The following KIAA1217 variants were observed in gnomAD, a reference collection of about 807,000 sequenced individuals.
KIAA1217 encodes the protein sickle tail protein homolog.
KIAA1217 carries 88 observed loss-of-function variants against 163.9 expected under a neutral mutation model. The observed-to-expected ratio is 0.54, with a 90% CI of 0.45 to 0.64. The LOEUF (loss-of-function observed/expected upper bound fraction) is 0.64. KIAA1217 is among the 30% of genes least tolerant of loss of function. The probability of loss-of-function intolerance (pLI) is 0.00; values close to 1 mark genes in which losing one functional copy is unlikely to be tolerated. For synonymous variants in KIAA1217, 903 were observed against 923.1 expected, an observed-to-expected ratio of 0.98 and a Z score of 0.39; for missense variants, 2,372 against 2,475.0, an observed-to-expected ratio of 0.96 and a Z score of 0.88.
At chr10:23,998,230 T>C (rs1278894046) in intron 1 of KIAA1217, among the ~76,000 whole-genome samples, 1 of 152,212 alleles carries the variant, frequency 6.6e-6, no homozygotes, top group Non-Finnish European at 1.5e-5. Flanking sequence ...CTTTGTGTTC[T>C]CCTTCCTGAC....
chr10:24,457,360 G>GTGTT (rs774686589), intron 5 of KIAA1217, among the ~76,000 whole-genome samples: 1 of 151,556 alleles, frequency 6.6e-6, no homozygotes, highest in Non-Finnish European at 1.5e-5. Context: ...GTGTGTGTGT[G>GTGTT]TGTATGTGTG....
intron 2 of KIAA1217, among the ~76,000 whole-genome samples, chr10:24,335,779 TA>T (rs1401875032): frequency 6.6e-6 from 1 of 152,018 alleles, no homozygotes; most frequent in Non-Finnish European, 1.5e-5. Context: ...CCAGCCACTG[TA>T]AAAAAATTTT....
chr10:24,338,712 A>G (rs2046700355), intron 2 of KIAA1217, among the ~76,000 whole-genome samples: 2 of 152,346 alleles, frequency 1.3e-5, no homozygotes, highest in South Asian at 2.1e-4. Flanking sequence ...GAAGCAAAAC[A>G]TGTTCCTTTT....
intron 2 of KIAA1217, among the ~76,000 whole-genome samples, chr10:24,242,584 A>G (rs1437967954): frequency 6.6e-6 from 1 of 152,104 alleles, no homozygotes; most frequent in Non-Finnish European, 1.5e-5. Context: ...ATAATGATCT[A>G]TATTCCCTTG....
intron 2 of KIAA1217, among the ~76,000 whole-genome samples, chr10:24,049,776 ATG>A (rs1356746626): frequency 6.6e-6 from 1 of 152,176 alleles, no homozygotes; most frequent in Non-Finnish European, 1.5e-5. Flanking sequence ...ATACGTGTGC[ATG>A]TGTCTTTATA....
At chr10:24,489,442 A>G (rs1158671880) in intron 6 of KIAA1217, among the ~76,000 whole-genome samples, 5 of 152,098 alleles carry the variant, frequency 3.3e-5, no homozygotes, top group African/African-American at 4.8e-5. Flanking sequence ...TTCATATGCT[A>G]CTGACTTGTT....
chr10:24,135,944 G>A (rs1463833128), intron 2 of KIAA1217, among the ~76,000 whole-genome samples: 1 of 152,166 alleles, frequency 6.6e-6, no homozygotes, highest in Non-Finnish European at 1.5e-5. Flanking sequence ...GCTGAAAACA[G>A]GAGACAGAAC....
chr10:23,824,843 C>A (rs377461981), intron 1 of KIAA1217, among the ~76,000 whole-genome samples: 3 of 151,566 alleles, frequency 2.0e-5, no homozygotes, highest in South Asian at 4.2e-4. Flanking sequence ...TAAGACAGCT[C>A]CAGATTACGC....
intron 2 of KIAA1217, among the ~76,000 whole-genome samples, chr10:24,034,233 G>C (rs760994764): frequency 6.6e-5 from 10 of 152,112 alleles, no homozygotes; most frequent in Non-Finnish European, 1.3e-4. Flanking sequence ...TACATAACAA[G>C]TGGGGGTCTT....
At chr10:24,534,312 G>A (rs1398391106) in intron 16 of KIAA1217, among the ~76,000 whole-genome samples, 1 of 152,216 alleles carries the variant, frequency 6.6e-6, no homozygotes, top group Admixed American at 6.5e-5. Context: ...ACTAGCCTGG[G>A]ACATCCCCGC....
At chr10:24,123,185 T>C (rs1225866810) in intron 2 of KIAA1217, among the ~76,000 whole-genome samples, 1 of 151,952 alleles carries the variant, frequency 6.6e-6, no homozygotes, top group Admixed American at 6.6e-5. Context: ...TTCATGTCTG[T>C]ATGTTGTTGT....
chr10:23,894,900 C>T (rs1327550171), intron 1 of KIAA1217, among the ~76,000 whole-genome samples: 1 of 152,006 alleles, frequency 6.6e-6, no homozygotes, highest in African/African-American at 2.4e-5. Flanking sequence ...AAAGGATTTC[C>T]TATTTAATAA....
intron 1 of KIAA1217, among the ~76,000 whole-genome samples, chr10:23,840,741 C>T (rs1838734580): frequency 6.6e-6 from 1 of 152,136 alleles, no homozygotes; most frequent in East Asian, 1.9e-4. Flanking sequence ...AGTACATTCT[C>T]CCGAATTCCT....
At chr10:24,258,766 G>A (rs890676165) in intron 2 of KIAA1217, among the ~76,000 whole-genome samples, 1 of 151,878 alleles carries the variant, frequency 6.6e-6, no homozygotes, top group African/African-American at 2.4e-5. Context: ...CTAATTTTTT[G>A]TATTTTTTAG....
At chr10:24,416,631 T>C (rs979389264) in intron 3 of KIAA1217, among the ~76,000 whole-genome samples, 3 of 152,204 alleles carry the variant, frequency 2.0e-5, no homozygotes, top group African/African-American at 7.2e-5. Context: ...TGACCGAGGA[T>C]GCCAGATTTG....
chr10:24,211,532 G>A (rs1691227197), intron 1 of KIAA1217, among the ~76,000 whole-genome samples: 1 of 79,016 alleles, frequency 1.3e-5, no homozygotes, highest in East Asian at 5.5e-4. Context: ...ACCATGCATG[G>A]TTGTATTGTA....
At chr10:24,062,137 CT>C (rs564019249) in intron 2 of KIAA1217, among the ~76,000 whole-genome samples, 3 of 151,302 alleles carry the variant, frequency 2.0e-5, no homozygotes, top group Non-Finnish European at 2.9e-5. Flanking sequence ...TTAATGTATT[CT>C]TTTTTTATTA....
intron 1 of KIAA1217, among the ~76,000 whole-genome samples, chr10:23,764,076 T>C (rs1834395972): frequency 6.6e-6 from 1 of 151,672 alleles, no homozygotes; most frequent in Non-Finnish European, 1.5e-5. Context: ...AGGCCTAATA[T>C]CCAGAATTTA....
intron 2 of KIAA1217, among the ~76,000 whole-genome samples, chr10:24,319,405 A>T (rs970884098): frequency 2.9e-5 from 4 of 139,340 alleles, no homozygotes; most frequent in Non-Finnish European, 6.2e-5. Flanking sequence ...AAAAAAAAAA[A>T]GGCAGGGGAT....
Sources: gnomAD v4.1 joint callset for allele counts (sites outside exome capture counted in the v4.1 genomes callset) on GRCh38, gnomAD v4.1.1 for gene constraint, MANE v1.5 for transcripts, NCBI Gene and HGNC (gene_info 2026-07-23, HGNC 2026-07-21) for gene names.